Variants in TSHZ2 observed in about 807,000 individuals in gnomAD.
TSHZ2 encodes the protein teashirt zinc finger homeobox 2.
A neutral mutation model predicts 74.4 loss-of-function variants in TSHZ2; 21 were observed. That is an observed-to-expected ratio of 0.28 (90% CI 0.20 to 0.41). The LOEUF (loss-of-function observed/expected upper bound fraction) is 0.41. Ranked by LOEUF, TSHZ2 falls within the 10% of genes least tolerant of loss-of-function variation. TSHZ2 has a pLI of 1.00. For synonymous variants in TSHZ2, 540 were observed against 515.3 expected (o/e 1.05, Z -0.65); for missense variants, 1,244 against 1,293.5 (o/e 0.96, Z 0.59).
chr20:53,037,297 A>G (rs116569353), intron 1 of TSHZ2, among the ~76,000 whole-genome samples: 2,172 of 152,316 alleles, frequency 0.014, 48 homozygotes, highest in African/African-American at 0.05. Flanking sequence ...ACAATAAAAC[A>G]TTCTTTTGTA....
intron 2 of TSHZ2, among the ~76,000 whole-genome samples, chr20:53,272,534 A>G (rs1234897683): frequency 2.6e-5 from 4 of 152,220 alleles, no homozygotes; most frequent in African/African-American, 4.8e-5. Context: ...GCCATCCTCC[A>G]TGGGCGAAAT....
intron 1 of TSHZ2, among the ~76,000 whole-genome samples, chr20:53,055,089 T>C (rs1229825868): frequency 6.6e-6 from 1 of 152,180 alleles, no homozygotes; most frequent in Non-Finnish European, 1.5e-5. Flanking sequence ...GGCTGTCAGT[T>C]TTTATCCTCA....
chr20:53,370,431 C>T (rs1380572868), intron 2 of TSHZ2, among the ~76,000 whole-genome samples: 1 of 152,162 alleles, frequency 6.6e-6, no homozygotes, highest in Non-Finnish European at 1.5e-5. Context: ...TATGTTAAAT[C>T]TCTCCGTTCA....
chr20:53,391,691 C>T (rs1223297101), intron 2 of TSHZ2, among the ~76,000 whole-genome samples: 2 of 152,074 alleles, frequency 1.3e-5, no homozygotes, highest in Non-Finnish European at 2.9e-5. Flanking sequence ...GCCTGTAATC[C>T]CAACACTTTG....
At chr20:53,009,539 T>C (rs1313965060) in intron 1 of TSHZ2, among the ~76,000 whole-genome samples, 1 of 152,220 alleles carries the variant, frequency 6.6e-6, no homozygotes, top group African/African-American at 2.4e-5. Context: ...TGGAATTTTC[T>C]ATTTAATATT....
At chr20:53,334,531 G>A (rs1194619591) in intron 2 of TSHZ2, among the ~76,000 whole-genome samples, 1 of 152,168 alleles carries the variant, frequency 6.6e-6, no homozygotes, top group Non-Finnish European at 1.5e-5. Flanking sequence ...GAGAAAATGT[G>A]GGGAGTGAAG....
At chr20:53,073,880 A>G (rs956396552) in intron 1 of TSHZ2, among the ~76,000 whole-genome samples, 1 of 152,158 alleles carries the variant, frequency 6.6e-6, no homozygotes, top group Non-Finnish European at 1.5e-5. Context: ...TACTTATACT[A>G]TACATTAGCT....
In TSHZ2 at chr20:53,255,639, C is replaced by T; in HGVS notation, c.2181C>T (p.Ser727=). The T allele has an allele frequency of 6.3e-7, 1 of 1,575,160 alleles. No homozygotes were observed. Among genetic ancestry groups the T allele is most frequent in the Non-Finnish European group, 8.6e-7 (1 of 1,161,816 alleles). Residue 727 remains serine (S), a synonymous_variant, in exon 2 of 3, where the codon TCC becomes TCT. Coordinates refer to ENST00000371497, the MANE Select transcript of TSHZ2 (RefSeq NM_173485.6). This position sits in a 1 kb window ranked among gnomAD's most constrained non-coding sequence, Gnocchi z 4.1. ...SCSSPSSSTI[S]MFHKSNLNVM... ...CCAGCCCAAGTTCAAGCACAATTTC[C>T]ATGTTCCACAAGTCGAATCTCAATG...
intron 1 of TSHZ2, among the ~76,000 whole-genome samples, chr20:53,188,307 C>T (rs1234567939): frequency 1.3e-5 from 2 of 152,140 alleles, no homozygotes; most frequent in African/African-American, 4.8e-5. Context: ...TTTGGAGAAG[C>T]GCCTGACATG....
chr20:53,191,149 C>T (rs899819584), intron 1 of TSHZ2, among the ~76,000 whole-genome samples: 1 of 151,768 alleles, frequency 6.6e-6, no homozygotes, highest in Non-Finnish European at 1.5e-5. Flanking sequence ...CGTATACATA[C>T]ACATGTGCAT....
chr20:53,408,946 C>T (rs4811430), intron 2 of TSHZ2, among the ~76,000 whole-genome samples: 12,194 of 152,214 alleles, frequency 0.08, 1,280 homozygotes, highest in African/African-American at 0.24. Context: ...CACCCTAGGC[C>T]AGCCTATTCT....
Position 53,254,489 on chromosome 20 carries a change from T to C in TSHZ2, c.1031T>C (p.Phe344Ser). ...ACCACAGGATCTTTTGCAGATTCTTTTTCTTCTCAGAAGAACGCCAACTTG... is the reference window on the plus strand; with the variant it reads ...ACCACAGGATCTTTTGCAGATTCTTCTTCTTCTCAGAAGAACGCCAACTTG... ...DSTTGSFADS[F>S]SSQKNANLQL... The change falls in exon 2 of 3, where the codon TTT (phenylalanine) becomes TCT (serine). Residue 344 changes from phenylalanine (F) to serine (S), a missense_variant. This residue lies in a region of TSHZ2 where 470 missense variants were observed against 456.5 expected (regional missense o/e 1.03). Coordinates refer to ENST00000371497, the MANE Select transcript of TSHZ2 (RefSeq NM_173485.6). 2 of 1,614,088 alleles carry C rather than the reference T, an allele frequency of 1.2e-6. No homozygotes were observed. The highest frequency in any genetic ancestry group is 1.7e-6 in the Non-Finnish European group (2 of 1,179,934).
chr20:53,186,184 ATC>A (rs2123525789), intron 1 of TSHZ2, among the ~76,000 whole-genome samples: 1 of 152,310 alleles, frequency 6.6e-6, no homozygotes, highest in East Asian at 1.9e-4. Context: ...ATTTGTGTGC[ATC>A]TCTCTTTCCA....
At chr20:53,213,585 A>AAGAGAG (rs1029873706) in intron 1 of TSHZ2, among the ~76,000 whole-genome samples, 2 of 151,828 alleles carry the variant, frequency 1.3e-5, no homozygotes, top group Non-Finnish European at 2.9e-5. Flanking sequence ...GAGAGAGAGA[A>AAGAGAG]AGAGAGAGAG....
chr20:53,024,495 A>G (rs943575434), intron 1 of TSHZ2, among the ~76,000 whole-genome samples: 9 of 152,040 alleles, frequency 5.9e-5, no homozygotes, highest in African/African-American at 1.7e-4. Flanking sequence ...TTGCTCTTGC[A>G]GATTTTTTTT....
chr20:53,420,152 A>G (rs1436662140), intron 2 of TSHZ2, among the ~76,000 whole-genome samples: 2 of 152,214 alleles, frequency 1.3e-5, no homozygotes, highest in East Asian at 3.8e-4. Context: ...AAAATAGATA[A>G]TATGTTTAGA....
intron 1 of TSHZ2, among the ~76,000 whole-genome samples, chr20:53,038,904 G>GTTTTTTT (rs746921607): frequency 9.4e-5 from 13 of 139,028 alleles, no homozygotes; most frequent in African/African-American, 3.5e-4. Flanking sequence ...TTGTTTGTTT[G>GTTTTTTT]TTTGTTTTTG....
At chr20:53,388,768 A>T (rs966257407) in intron 2 of TSHZ2, among the ~76,000 whole-genome samples, 1 of 151,776 alleles carries the variant, frequency 6.6e-6, no homozygotes, top group Admixed American at 6.6e-5. Flanking sequence ...TTTAGTAGAG[A>T]TGGGGTTTTT....
intron 1 of TSHZ2, among the ~76,000 whole-genome samples, chr20:53,018,120 G>A (rs575156106): frequency 6.6e-6 from 1 of 152,224 alleles, no homozygotes; most frequent in Admixed American, 6.5e-5. Context: ...TATACATCAG[G>A]GAAGGCTTGC....
Sources: allele counts gnomAD v4.1 joint callset (sites outside exome capture counted in the v4.1 genomes callset), GRCh38; gene constraint gnomAD v4.1.1; regional missense constraint gnomAD v4.1.1; non-coding constraint Gnocchi (gnomAD v3.1); transcripts MANE v1.5; gene names NCBI Gene and HGNC (gene_info 2026-07-23, HGNC 2026-07-21).